PAH: variants seen among roughly 807,000 people sequenced by gnomAD.
PAH encodes the protein phenylalanine hydroxylase.
In PAH, 64 loss-of-function variants were observed where a neutral mutation model predicts 62.0. The ratio of observed to expected loss-of-function variants is 1.03; its 90% CI spans 0.84 to 1.27. The LOEUF is 1.27. PAH is among the 50% of genes most tolerant of loss of function. The probability of loss-of-function intolerance (pLI) is 0.00; values close to 1 mark genes in which losing one functional copy is unlikely to be tolerated. For missense variants in PAH, 579 were observed against 542.8 expected, an observed-to-expected ratio of 1.07 and a Z score of -0.66; for synonymous variants, 195 against 196.2, an observed-to-expected ratio of 0.99 and a Z score of 0.05.
At chr12:102,840,349 G>T in intron 12 of PAH, 51 bp downstream of exon 12, 1 of 1,069,616 alleles carries the variant, frequency 9.3e-7, no homozygotes, top group Non-Finnish European at 1.5e-6. Flanking sequence ...GGGAAAGACA[G>T]TCTTCGATTA....
At chr12:102,853,673 G>A (rs2136647260) in intron 6 of PAH, among the ~76,000 whole-genome samples, 1 of 152,282 alleles carries the variant, frequency 6.6e-6, no homozygotes, top group East Asian at 1.9e-4. Flanking sequence ...CAATTTTAAA[G>A]CTGACCTCTG....
intron 5 of PAH, among the ~76,000 whole-genome samples, chr12:102,864,707 T>C (rs567417486): frequency 3.3e-5 from 5 of 151,740 alleles, no homozygotes; most frequent in African/African-American, 1.2e-4. Context: ...CTCCTCTCTG[T>C]GCTAGTCTGG....
At chr12:102,857,213 G>T (rs559359559) in intron 5 of PAH, among the ~76,000 whole-genome samples, 1 of 152,310 alleles carries the variant, frequency 6.6e-6, no homozygotes, top group Non-Finnish European at 1.5e-5. Context: ...CAACCAACTG[G>T]AAGAAAGGGT....
At chr12:102,904,419 A>T (rs544329352) in intron 2 of PAH, among the ~76,000 whole-genome samples, 1 of 152,198 alleles carries the variant, frequency 6.6e-6, no homozygotes, top group Non-Finnish European at 1.5e-5. Flanking sequence ...ACAGGGTCCC[A>T]TGGTAAATAC....
At chr12:102,858,211 G>T in intron 5 of PAH, among the ~76,000 whole-genome samples, 1 of 152,030 alleles carries the variant, frequency 6.6e-6, no homozygotes, top group Non-Finnish European at 1.5e-5. Context: ...AACCAACAAT[G>T]ATAAAAAGAG....
At position 102,877,688 on chromosome 12, in the gene PAH, C is replaced by T. The variant is rs7964033; in HGVS notation, c.353-138G>A. 5.7e-3 allele frequency: 4,089 copies of T among 719,762 alleles called. 106 individuals are homozygous for T. The African/African-American group carries it at 0.061, about 11-fold the overall frequency. 44.6% of individuals were successfully genotyped at this position (719,762 alleles called of 1,614,324 possible). On this transcript the variant is annotated intron_variant, in intron 3 of 12. Transcript: ENST00000553106. ...TTCCAGATAACCCCCAAATTACTATCGTTCAAAAGTTAAACTCCATTTTCC... is the reference window on the plus strand; with the variant it reads ...TTCCAGATAACCCCCAAATTACTATTGTTCAAAAGTTAAACTCCATTTTCC...
intron 10 of PAH, 26 bp downstream of exon 10, chr12:102,844,310 A>G: frequency 6.7e-7 from 1 of 1,486,118 alleles, no homozygotes; most frequent in Non-Finnish European, 9.4e-7. Context: ...TTTTAAATCT[A>G]TCCTTGGTTC....
At chr12:102,949,251 T>A (rs530161340) in intron 1 of PAH, among the ~76,000 whole-genome samples, 12 of 152,180 alleles carry the variant, frequency 7.9e-5, no homozygotes, top group Non-Finnish European at 2.9e-5. Context: ...CCAATGACAT[T>A]GCCTTCTGGC....
chr12:102,861,011 G>A (rs1428843874), intron 5 of PAH, among the ~76,000 whole-genome samples: 1 of 152,200 alleles, frequency 6.6e-6, no homozygotes, highest in African/African-American at 2.4e-5. Context: ...AAGAGCTTCT[G>A]CACAGCAAAA....
chr12:102,917,869 T>C (rs2136735386), upstream of PAH, among the ~76,000 whole-genome samples: 1 of 152,330 alleles, frequency 6.6e-6, no homozygotes, highest in South Asian at 2.1e-4. Context: ...AGAATAGGAA[T>C]AAAGAAATGC....
intron 8 of PAH, among the ~76,000 whole-genome samples, chr12:102,848,038 T>G (rs1250573133): frequency 2.0e-5 from 3 of 152,020 alleles, no homozygotes; most frequent in African/African-American, 7.3e-5. Context: ...AGGGCTTGAG[T>G]TTTTCCTTTC....
At chr12:102,887,384 C>G (rs1202338275) in intron 3 of PAH, among the ~76,000 whole-genome samples, 2 of 152,028 alleles carry the variant, frequency 1.3e-5, no homozygotes, top group Non-Finnish European at 2.9e-5. Context: ...AGATCATTCA[C>G]AGGGACCCTC....
In PAH at chr12:102,839,067, G is replaced by C; in HGVS notation, c.*108C>G. The C allele has an allele frequency of 1.1e-6, 1 of 913,802 alleles. No homozygotes were observed. Among genetic ancestry groups the C allele is most frequent in the Non-Finnish European group, 1.8e-6 (1 of 554,656 alleles). The allele number at this position is 913,802 out of a possible 1,614,324, so 56.6% of individuals were successfully genotyped here. On this transcript the variant is annotated 3_prime_UTR_variant, in exon 13 of 13. Coordinates refer to ENST00000553106, the MANE Select transcript of PAH (RefSeq NM_000277.3). ...TTCTCCATCTTGTAAAGGATTTAAG[G>C]CTGTTATTTCAAATTAAGGTTTGCT...
chr12:102,840,636 C>A, intron 11 of PAH, 121 bp from the exon 12 acceptor site: 1 of 739,298 alleles, frequency 1.4e-6, no homozygotes, highest in Non-Finnish European at 2.5e-6. Flanking sequence ...AGAGCAGGGT[C>A]TTCAACAGCC....
At chr12:102,908,501 T>C (rs1174247606) in intron 2 of PAH, among the ~76,000 whole-genome samples, 3 of 152,320 alleles carry the variant, frequency 2.0e-5, no homozygotes, top group Non-Finnish European at 4.4e-5. Flanking sequence ...GTCTCTCTTC[T>C]CTACACCCAT....
intron 5 of PAH, among the ~76,000 whole-genome samples, chr12:102,863,099 T>G (rs1875804438): frequency 6.6e-6 from 1 of 152,176 alleles, no homozygotes; most frequent in South Asian, 2.1e-4. Flanking sequence ...GGCAATTTAG[T>G]AAACCTCTCT....
intron 1 of PAH, among the ~76,000 whole-genome samples, chr12:102,932,059 C>T (rs73393573): frequency 2.8e-4 from 43 of 152,072 alleles, no homozygotes; most frequent in Admixed American, 1.3e-4. Context: ...GGTTTGAGGT[C>T]GTCAGAGTCT....
At chr12:102,846,418 A>G (rs561009861) in intron 9 of PAH, among the ~76,000 whole-genome samples, 2 of 152,328 alleles carry the variant, frequency 1.3e-5, no homozygotes, top group South Asian at 4.1e-4. Context: ...AATTGCTTCT[A>G]TAGCCCCAGT....
chr12:102,871,431 A>G (rs751069746), intron 4 of PAH, among the ~76,000 whole-genome samples: 1 of 152,202 alleles, frequency 6.6e-6, no homozygotes, highest in Non-Finnish European at 1.5e-5. Context: ...GTTTAGACCA[A>G]TAAGTCACTA....
Sources: allele counts gnomAD v4.1 joint callset (sites outside exome capture counted in the v4.1 genomes callset), GRCh38; gene constraint gnomAD v4.1.1; transcripts MANE v1.5; gene names NCBI Gene and HGNC (gene_info 2026-07-23, HGNC 2026-07-21).